Variants in ZP1 observed in about 807,000 individuals in gnomAD.
ZP1 encodes zona pellucida glycoprotein 1.
Under a neutral mutation model 67.4 loss-of-function variants are expected in ZP1, and 58 were observed. That is an observed-to-expected ratio of 0.86 (90% CI 0.70 to 1.07). ZP1 has a LOEUF of 1.07. Among genes scored for constraint, ZP1 ranks in the 50% least tolerant of loss-of-function variants. The pLI, the probability that ZP1 is intolerant of heterozygous loss-of-function variation, is 0.00. For missense variants in ZP1, 759 were observed against 807.3 expected, an observed-to-expected ratio of 0.94 and a Z score of 0.72; for synonymous variants, 333 against 332.7, an observed-to-expected ratio of 1.00 and a Z score of -0.01.
At position 60,869,505 on chromosome 11, in the gene ZP1, C is replaced by T. The variant is rs750362055; in HGVS notation, c.319-32C>T. The T allele has an allele frequency of 4.5e-5, 70 of 1,570,588 alleles. No individual in the cohort carries two copies. In the South Asian group the frequency reaches 7.6e-4, roughly 17 times the overall value. ...GCCTGGGTATGCTAGGTGGCCTCACCTTGCTGCTCTATGATGGCCTCTCAC... is the reference window on the plus strand; with the variant it reads ...GCCTGGGTATGCTAGGTGGCCTCACTTTGCTGCTCTATGATGGCCTCTCAC... On this transcript the variant is annotated intron_variant, in intron 2 of 11. Coordinates refer to ENST00000278853, the MANE Select transcript of ZP1 (RefSeq NM_207341.4).
chr11:60,873,547 G>GC lies in ZP1; in HGVS notation c.1416dup (p.Ile473HisfsTer75). 1 of 1,612,778 alleles carries GC rather than the reference G, an allele frequency of 6.2e-7. No individual in the cohort carries two copies. The highest frequency in any genetic ancestry group is 8.5e-7 in the Non-Finnish European group (1 of 1,179,114). On this transcript the variant is annotated frameshift_variant, in exon 8 of 12. Transcript: ENST00000278853. LOFTEE classifies it high-confidence loss of function. The stretch of plus-strand genomic sequence containing the variant: ...CCAACCCCTTCCAGCAGCCCCAGTG[G>GC]CCCATCCTGTCAGACGGGTGAGTGC...
chr11:60,874,488 A>AG (rs1411788953), intron 9 of ZP1, among the ~76,000 whole-genome samples: 1 of 152,164 alleles, frequency 6.6e-6, no homozygotes, highest in Admixed American at 6.5e-5. Flanking sequence ...GGGGTCACAA[A>AG]GGGAGGGCAA....
chr11:60,871,240 T>C lies in ZP1; in HGVS notation c.1038T>C (p.Tyr346=), dbSNP rs779579016. 83 of 1,613,754 alleles carry C rather than the reference T, an allele frequency of 5.1e-5. 1 individual carries two copies. Among genetic ancestry groups the C allele is most frequent in the South Asian group, 5.1e-4 (46 of 91,080 alleles). ...AGGTGGCTGGCGACCAGCTCATCTA[T>C]GAGAACTGGCTGGTGTCTGGCATCC... ...TMQVAGDQLI[Y]ENWLVSGIHI... is the part of the protein sequence containing the mutation. The change falls in exon 6 of 12, where the codon TAT becomes TAC. Residue 346 remains tyrosine, a synonymous_variant. Coordinates refer to ENST00000278853, the MANE Select transcript of ZP1 (RefSeq NM_207341.4).
intron 4 of ZP1, 185 bp from the exon 5 acceptor site, chr11:60,870,772 A>G: frequency 1.3e-6 from 1 of 749,102 alleles, no homozygotes; most frequent in Non-Finnish European, 2.2e-6. Flanking sequence ...GTGTAGTTCA[A>G]CTCATTTGTC....
intron 6 of ZP1, among the ~76,000 whole-genome samples, chr11:60,872,438 T>C (rs1037622833): frequency 1.3e-5 from 2 of 152,110 alleles, no homozygotes; most frequent in Non-Finnish European, 2.9e-5. Context: ...GAGCCTCCTA[T>C]ACCTACTCAG....
rs939235943 is a variant in ZP1, at chr11:60,873,282, T to G, written c.1233T>G (p.Ile411Met). 3 of 1,583,298 alleles carry G rather than the reference T, an allele frequency of 1.9e-6. No homozygotes were observed. The highest frequency in any genetic ancestry group is 1.7e-6 in the Non-Finnish European group (2 of 1,161,626). The stretch of plus-strand genomic sequence containing the variant: ...GCCCCCTGCGGCTTGAGCTGCGGAT[T>G]GCCAAAGGTATGCTATGCTATCCCT... ...QPGPLRLELR[I>M]AKDETFSSYY... is the part of the protein sequence containing the mutation. The change falls in exon 7 of 12, where the codon ATT (isoleucine) becomes ATG (methionine). Residue 411 changes from isoleucine to methionine, a missense_variant. Ile to Met is a conservative substitution (Grantham distance 10). Transcript: ENST00000278853.
At chr11:60,872,258 A>T (rs746060982) in intron 6 of ZP1, among the ~76,000 whole-genome samples, 2 of 152,280 alleles carry the variant, frequency 1.3e-5, no homozygotes, top group South Asian at 4.1e-4. Context: ...GTGGAGGACA[A>T]GTCTGTGTCA....
At chr11:60,869,120 G>C (rs1427556161) in intron 1 of ZP1, 25 bp from the exon 2 acceptor site, 1 of 1,613,794 alleles carries the variant, frequency 6.2e-7, no homozygotes, top group Non-Finnish European at 8.5e-7. Flanking sequence ...CAACATCCCT[G>C]GCCCCTCCCC....
At chr11:60,872,417 A>G (rs1162472845) in intron 6 of ZP1, among the ~76,000 whole-genome samples, 1 of 152,162 alleles carries the variant, frequency 6.6e-6, no homozygotes, top group Non-Finnish European at 1.5e-5. Context: ...CAAGGCCTTC[A>G]GAACAGGGGT....
At chr11:60,871,413 C>T in intron 6 of ZP1, 99 bp downstream of exon 6, 1 of 1,322,650 alleles carries the variant, frequency 7.6e-7, no homozygotes, top group Non-Finnish European at 1.1e-6. Context: ...AGCTCAAACC[C>T]AGGCTCTGCT....
At position 60,871,053 on chromosome 11, in the gene ZP1, C is replaced by T. The variant is rs1855557016; in HGVS notation, c.923C>T (p.Ala308Val). The T allele has an allele frequency of 6.2e-7, 1 of 1,614,222 alleles. No individual in the cohort carries two copies. Among genetic ancestry groups the T allele is most frequent in the Admixed American group, 1.7e-5 (1 of 60,038 alleles). ...ATCACACTGGCCAACATCCACCTGG[C>T]CTATGCCCCCACCAGCTGCTCCCCA... ...HRITLANIHLAYAPTSCSPTQ... is the reference protein window; with the variant it reads ...HRITLANIHLVYAPTSCSPTQ... The change falls in exon 5 of 12, where the codon GCC (alanine) becomes GTC (valine). Residue 308 changes from alanine to valine, a missense_variant. Physicochemically the swap from Ala to Val is moderately conservative, Grantham distance 64 (BLOSUM62 0). Coordinates refer to ENST00000278853, the MANE Select transcript of ZP1 (RefSeq NM_207341.4).
In ZP1 at chr11:60,875,208, T is replaced by C. The variant is rs1377213775; in HGVS notation, c.1734T>C (p.Phe578=). 6.2e-7 allele frequency: 1 copy of C among 1,613,480 alleles called. No individual in the cohort carries two copies. Among genetic ancestry groups the C allele is most frequent in the African/African-American group, 1.3e-5 (1 of 74,934 alleles). The change falls in exon 11 of 12, where the codon TTT becomes TTC. Residue 578 remains phenylalanine, a synonymous_variant. Coordinates refer to ENST00000278853, the MANE Select transcript of ZP1 (RefSeq NM_207341.4). Reference sequence around the variant, plus strand: ...TGAGCTCTCCGGGGCCAGTGGGCTTTGAGGATTCTTATGGGCAGGAGCCCA... The same window carrying C: ...TGAGCTCTCCGGGGCCAGTGGGCTTCGAGGATTCTTATGGGCAGGAGCCCA... The part of the protein sequence containing the change: ...DIVSSPGPVG[F]EDSYGQEPTL...
rs1326258820 is a variant in ZP1, at chr11:60,867,750, G to T, written c.189G>T (p.Lys63Asn). The change falls in exon 1 of 12, where the codon AAG becomes AAT. Residue 63 changes from lysine to asparagine, a missense_variant. Lys to Asn is a moderately conservative substitution (Grantham distance 94, BLOSUM62 0). Transcript: ENST00000278853. ...FPRPGQTLRF[K>N]VVDEFGNRFD... ...GGCCAGGCCAGACTCTCCGCTTCAA[G>T]GTGGTGGGTGAGTGCTGGCAGAGTC... 1.9e-6 allele frequency: 3 copies of T among 1,613,296 alleles called. No homozygotes were observed. Among genetic ancestry groups the T allele is most frequent in the Non-Finnish European group, 2.5e-6 (3 of 1,179,734 alleles).
intron 9 of ZP1, among the ~76,000 whole-genome samples, chr11:60,874,106 C>T (rs1855651270): frequency 6.6e-6 from 1 of 152,178 alleles, no homozygotes; most frequent in African/African-American, 2.4e-5. Context: ...AACTCAGCAA[C>T]TTCTCCAGAA....
chr11:60,867,714 G>C lies in ZP1; in HGVS notation c.153G>C (p.Leu51=), dbSNP rs767044630. 11 of 1,613,954 alleles carry C rather than the reference G, an allele frequency of 6.8e-6. No homozygotes were observed. In the African/African-American group the frequency reaches 1.3e-4, roughly 20 times the overall value. Residue 51 remains leucine (L), a synonymous_variant, in exon 1 of 12, where the codon CTG becomes CTC. Transcript: ENST00000278853. ...GTGGGATCAAGGGAATGCAGCTGCTGGTGTTCCCCAGGCCAGGCCAGACTC... is the reference window on the plus strand; with the variant it reads ...GTGGGATCAAGGGAATGCAGCTGCTCGTGTTCCCCAGGCCAGGCCAGACTC... ...YDCGIKGMQL[L]VFPRPGQTLR...
chr11:60,867,806 T>C (rs770636224), intron 1 of ZP1, 49 bp downstream of exon 1: 1 of 1,582,172 alleles, frequency 6.3e-7, no homozygotes, highest in Non-Finnish European at 8.6e-7. Context: ...CACGGGCTGC[T>C]GCCAGAAGGG....
intron 1 of ZP1, among the ~76,000 whole-genome samples, chr11:60,868,055 T>C (rs1477954953): frequency 3.0e-4 from 42 of 141,510 alleles, no homozygotes; most frequent in African/African-American, 1.1e-3. Flanking sequence ...TTTTTTTTTT[T>C]CTGAGACAGT....
Position 60,871,304 on chromosome 11 carries a change from A to G in ZP1, c.1102A>G (p.Ser368Gly). 1 of 1,613,740 alleles carries G rather than the reference A, an allele frequency of 6.2e-7. No homozygotes were observed. The highest frequency in any genetic ancestry group is 8.5e-7 in the Non-Finnish European group (1 of 1,180,036). ...GCCACAGGGTTCCATCACGCGGGAC[A>G]GCACCTTCCAGTAAGGGCAGCCCTC... ...KGPQGSITRD[S>G]TFQLHVRCVF... The change falls in exon 6 of 12, where the codon AGC becomes GGC. Residue 368 changes from serine (S) to glycine (G), a missense_variant. Ser to Gly is a moderately conservative substitution (Grantham distance 56). Transcript: ENST00000278853.
intron 6 of ZP1, 173 bp from the exon 7 acceptor site, chr11:60,872,989 T>G: frequency 1.6e-5 from 11 of 690,386 alleles, no homozygotes; most frequent in Admixed American, 2.8e-5. Context: ...ATGGGCAGGG[T>G]GAGCTTCCTG....
Sources: gnomAD v4.1 joint callset for allele counts (sites outside exome capture counted in the v4.1 genomes callset) on GRCh38, gnomAD v4.1.1 for gene constraint, MANE v1.5 for transcripts, NCBI Gene and HGNC (gene_info 2026-07-23, HGNC 2026-07-21) for gene names.